The following RBM47 variants were observed in gnomAD, a reference collection of about 807,000 sequenced individuals.
RBM47 encodes RNA-binding protein 47.
RBM47 carries 21 observed loss-of-function variants against 47.1 expected under a neutral mutation model. The observed-to-expected ratio is 0.45, with a 90% CI of 0.32 to 0.64. The LOEUF is 0.64. RBM47 is among the 30% of genes least tolerant of loss of function. The pLI is 0.05. For missense variants in RBM47, 708 were observed against 870.9 expected (o/e 0.81, Z 2.35); for synonymous variants, 375 against 361.7 (o/e 1.04, Z -0.42).
At chr4:40,580,979 T>C (rs535892564) in intron 1 of RBM47, among the ~76,000 whole-genome samples, 4 of 152,354 alleles carry the variant, frequency 2.6e-5, no homozygotes, top group African/African-American at 9.6e-5. Flanking sequence ...GTTTGTTCAT[T>C]TTGTTTTCGC....
At chr4:40,618,262 G>T (rs1578079577) in intron 1 of RBM47, among the ~76,000 whole-genome samples, 1 of 151,268 alleles carries the variant, frequency 6.6e-6, no homozygotes, top group Non-Finnish European at 1.5e-5. Flanking sequence ...GAAAATAAAA[G>T]AAAAGAAAAA....
intron 1 of RBM47, among the ~76,000 whole-genome samples, chr4:40,608,345 G>T (rs1042451196): frequency 6.6e-6 from 1 of 152,096 alleles, no homozygotes; most frequent in African/African-American, 2.4e-5. Context: ...CAACTCCCCA[G>T]AACTCAGCAG....
At chr4:40,629,309 T>G (rs752379299) in intron 1 of RBM47, 87 bp downstream of exon 1, 3 of 151,760 alleles carry the variant, frequency 2.0e-5, no homozygotes, top group Non-Finnish European at 4.4e-5. Flanking sequence ...GAGAGAAGAA[T>G]AAGAAAAAAA....
chr4:40,478,009 C>CTT (rs1194806938), intron 2 of RBM47, among the ~76,000 whole-genome samples: 26,219 of 86,196 alleles, frequency 0.3, 4,559 homozygotes, highest in African/African-American at 0.34. Flanking sequence ...GTGGCATGTT[C>CTT]TTTTTTTTTT....
chr4:40,509,938 G>A (rs1050984098), intron 2 of RBM47, among the ~76,000 whole-genome samples: 4 of 151,082 alleles, frequency 2.6e-5, no homozygotes, highest in Non-Finnish European at 4.4e-5. Flanking sequence ...TGTAATCCCA[G>A]CACTTTGGGA....
rs1358930690 is a variant in RBM47, at chr4:40,438,332, C to T, written c.562G>A (p.Ala188Thr). 6 of 1,609,204 alleles carry T rather than the reference C, an allele frequency of 3.7e-6. No individual in the cohort carries two copies. The highest frequency in any genetic ancestry group is 2.7e-5 in the African/African-American group (2 of 74,938). Residue 188 changes from alanine (A) to threonine (T), a missense_variant, in exon 4 of 7, where the codon GCC becomes ACC. Ala to Thr is a moderately conservative substitution (Grantham distance 58). Coordinates refer to ENST00000295971, the MANE Select transcript of RBM47 (RefSeq NM_001098634.2). ...VLDVIVYASA[A>T]DKMKNRGFAF... ...AAGCCGCGGTTCTTCATCTTGTCGG[C>T]CGCGCTGGCGTAGACGATCACGTCC...
intron 1 of RBM47, among the ~76,000 whole-genome samples, chr4:40,564,711 A>G (rs2154267214): frequency 6.6e-6 from 1 of 152,374 alleles, no homozygotes; most frequent in African/African-American, 2.4e-5. Context: ...GTCTAGCTTT[A>G]AGAAAAGTTT....
chr4:40,532,174 C>A (rs1177277712), intron 2 of RBM47, among the ~76,000 whole-genome samples: 6 of 151,636 alleles, frequency 4.0e-5, no homozygotes, highest in Non-Finnish European at 5.9e-5. Context: ...CCATGCCCGG[C>A]TAATTTTTTG....
Position 40,432,863 on chromosome 4 carries a change from C to T in RBM47, c.1331-1G>A. 6.2e-7 allele frequency: 1 copy of T among 1,613,498 alleles called. No individual in the cohort carries two copies. Among genetic ancestry groups the T allele is most frequent in the East Asian group, 2.2e-5 (1 of 44,860 alleles). ...TGAGCCCCAATGGCAGGGATGGCTA[C>T]TGCAAGAGAAGCAAGAAGGAAAAAC... On this transcript the variant is annotated splice_acceptor_variant, in intron 5 of 6. Coordinates refer to ENST00000295971, the MANE Select transcript of RBM47 (RefSeq NM_001098634.2). LOFTEE classifies it high-confidence loss of function.
chr4:40,605,840 A>G (rs1209029428), intron 1 of RBM47, among the ~76,000 whole-genome samples: 3 of 151,822 alleles, frequency 2.0e-5, no homozygotes, highest in Admixed American at 6.6e-5. Context: ...TTAAAAAAAA[A>G]GAAAGAAAAA....
chr4:40,509,191 T>TAAATAAATAAATAAA lies in RBM47; in HGVS notation c.-155+35230_-155+35231insTTTATTTATTTATTT, dbSNP rs1560431667. On this transcript the variant is annotated intron_variant, in intron 2 of 6. Coordinates refer to ENST00000295971, the MANE Select transcript of RBM47 (RefSeq NM_001098634.2). ...AATAAATAAATAAATAAATAAATAA[T>TAAATAAATAAATAAA]AATAATATATTTTTTTCAAAGTAGT... 4.6e-4 allele frequency among the ~76,000 whole-genome samples: 54 copies of TAAATAAATAAATAAA among 117,850 alleles called. No individual in the cohort carries two copies. In the East Asian group the frequency reaches 0.01, roughly 22 times the overall value. The allele number at this position is 117,850 out of a possible 152,430, so 77.3% of individuals were successfully genotyped here.
intron 1 of RBM47, among the ~76,000 whole-genome samples, chr4:40,599,533 C>T (rs1253853382): frequency 1.3e-5 from 2 of 152,034 alleles, no homozygotes; most frequent in African/African-American, 4.8e-5. Flanking sequence ...GACACTCTTC[C>T]AGCTTCCAAA....
chr4:40,548,772 T>C (rs1196342839), intron 1 of RBM47, among the ~76,000 whole-genome samples: 1 of 152,142 alleles, frequency 6.6e-6, no homozygotes, highest in African/African-American at 2.4e-5. Flanking sequence ...ATTCAAGGGA[T>C]TCTCCTGCCT....
intron 3 of RBM47, among the ~76,000 whole-genome samples, chr4:40,456,891 G>A (rs150373091): frequency 5.3e-5 from 8 of 151,904 alleles, no homozygotes; most frequent in Admixed American, 2.0e-4. Flanking sequence ...GAGCCAACAC[G>A]CCCGGCCAGC....
chr4:40,561,809 C>T (rs12641902), intron 1 of RBM47, among the ~76,000 whole-genome samples: 7,399 of 152,150 alleles, frequency 0.049, 321 homozygotes, highest in African/African-American at 0.1. Flanking sequence ...CTGGGCCTCC[C>T]TAAGTGCTGG....
chr4:40,439,713 T>C (rs1713325406), intron 3 of RBM47, among the ~76,000 whole-genome samples: 1 of 152,244 alleles, frequency 6.6e-6, no homozygotes, highest in Non-Finnish European at 1.5e-5. Context: ...TTAACCTCTG[T>C]ATATGGTACA....
Position 40,566,892 on chromosome 4 carries a change from C to T in RBM47, c.-239-22386G>A, listed in dbSNP as rs968212856. Among the ~76,000 whole-genome samples, 31 of 151,900 alleles carry T rather than the reference C, an allele frequency of 2.0e-4. 1 individual carries two copies. The highest frequency in any genetic ancestry group is 7.5e-4 in the African/African-American group (31 of 41,394). On this transcript the variant is annotated intron_variant, in intron 1 of 6. Coordinates refer to ENST00000295971, the MANE Select transcript of RBM47 (RefSeq NM_001098634.2). Reference sequence around the variant, plus strand: ...CACTCTTTATCCTCCCATGAGTCCTCCCACCTCGTCCTCCCAAAGTGCTGA... The same window carrying T: ...CACTCTTTATCCTCCCATGAGTCCTTCCACCTCGTCCTCCCAAAGTGCTGA...
In RBM47 at chr4:40,438,481, G is replaced by A. The variant is rs774218691; in HGVS notation, c.413C>T (p.Pro138Leu). The change falls in exon 4 of 7, where the codon CCG (proline) becomes CTG (leucine). Residue 138 changes from proline to leucine, a missense_variant. Pro to Leu is a moderately conservative substitution (Grantham distance 98, BLOSUM62 -3). Coordinates refer to ENST00000295971, the MANE Select transcript of RBM47 (RefSeq NM_001098634.2). ...VRELNNYEIR[P>L]GRLLGVCCSV... ...GCAGCACACGCCGAGCAGGCGGCCCGGGCGGATCTCGTAGTTGTTGAGCTC... is the reference window on the plus strand; with the variant it reads ...GCAGCACACGCCGAGCAGGCGGCCCAGGCGGATCTCGTAGTTGTTGAGCTC... The A allele has an allele frequency of 2.5e-6, 4 of 1,613,360 alleles. No homozygotes were observed. The highest frequency in any genetic ancestry group is 3.3e-5 in the Admixed American group (2 of 59,998).
At chr4:40,561,150 G>T (rs184855326) in intron 1 of RBM47, among the ~76,000 whole-genome samples, 2 of 151,244 alleles carry the variant, frequency 1.3e-5, no homozygotes, top group Non-Finnish European at 1.5e-5. Flanking sequence ...GGTCCAGAGA[G>T]ATTATCTTAT....
Sources: gnomAD v4.1 joint callset for allele counts (sites outside exome capture counted in the v4.1 genomes callset) on GRCh38, gnomAD v4.1.1 for gene constraint, MANE v1.5 for transcripts, NCBI Gene and HGNC (gene_info 2026-07-23, HGNC 2026-07-21) for gene names.